Variants in GTPBP10 observed in about 807,000 individuals in gnomAD.
GTPBP10 encodes the protein GTP-binding protein 10.
GTPBP10 carries 38 observed loss-of-function variants against 44.8 expected under a neutral mutation model. That is an observed-to-expected ratio of 0.85 (90% CI 0.65 to 1.11). The LOEUF is 1.11. GTPBP10 is among the 50% of genes most tolerant of loss of function. The pLI is 0.00. For synonymous variants in GTPBP10, 152 were observed against 150.6 expected (o/e 1.01, Z -0.07); for missense variants, 462 against 453.7 (o/e 1.02, Z -0.17).
intron 8 of GTPBP10, among the ~76,000 whole-genome samples, chr7:90,380,268 A>G (rs566157186): frequency 8.6e-5 from 13 of 152,002 alleles, no homozygotes; most frequent in Non-Finnish European, 1.8e-4. Flanking sequence ...TAGTAGAAAC[A>G]GGGTTTCACC....
intron 8 of GTPBP10, among the ~76,000 whole-genome samples, chr7:90,379,073 T>G (rs934757755): frequency 6.6e-6 from 1 of 152,186 alleles, no homozygotes; most frequent in Non-Finnish European, 1.5e-5. Flanking sequence ...TCACTTAAAC[T>G]TAATATGGAT....
In GTPBP10 at chr7:90,385,699, TC is replaced by T. The variant is rs1462421026; in HGVS notation, c.*546del. On this transcript the variant is annotated 3_prime_UTR_variant, in exon 10 of 10. Transcript: ENST00000222511. Reference sequence around the variant, plus strand: ...GTATTATTACCTTCTGATATATGTGTCATTATTGAAGAACCATACCTTTTAA... The same window carrying T: ...GTATTATTACCTTCTGATATATGTGTATTATTGAAGAACCATACCTTTTAA... The T allele has an allele frequency of 6.6e-6, 1 of 152,142 alleles. No individual in the cohort carries two copies. The highest frequency in any genetic ancestry group is 1.5e-5 in the Non-Finnish European group (1 of 68,020). 9.4% of individuals were successfully genotyped at this position (152,142 alleles called of 1,614,324 possible). A position where few individuals can be genotyped will look rare whatever the true frequency, so the allele number is the denominator to read the frequency against.
rs1795824077 is a variant in GTPBP10 at position 90,352,999 on chromosome 7, G to C, written c.217G>C (p.Ala73Pro). The C allele has an allele frequency of 6.3e-7, 1 of 1,583,752 alleles. No homozygotes were observed. ...PRKRFVAGVG[A>P]NSKISALKGS... ...GAAACGGTTTGTGGCTGGAGTAGGA[G>C]CAAACAGCAAGTAAGTAATTACTGA... The change falls in exon 2 of 10, where the codon GCA becomes CCA. Residue 73 changes from alanine (A) to proline (P), a missense_variant. Coordinates refer to ENST00000222511, the MANE Select transcript of GTPBP10 (RefSeq NM_033107.4).
In GTPBP10 at chr7:90,352,813, A is replaced by T. The variant is rs569217789; in HGVS notation, c.34-3A>T. ...CAAATATTCTTTCTCTTTTTTTTTT[A>T]AGTATGGAAATTTCATCGATAAGCT... is the stretch of plus-strand genomic sequence containing the variant. On this transcript the variant is annotated splice_region_variant and splice_polypyrimidine_tract_variant and intron_variant, in intron 1 of 9. Coordinates refer to ENST00000222511, the MANE Select transcript of GTPBP10 (RefSeq NM_033107.4). 6.0e-5 allele frequency: 95 copies of T among 1,572,090 alleles called. 1 individual carries two copies. In the Admixed American group the frequency reaches 7.2e-4, roughly 12 times the overall value.
At chr7:90,366,724 A>G (rs1796141812) in intron 4 of GTPBP10, among the ~76,000 whole-genome samples, 1 of 151,254 alleles carries the variant, frequency 6.6e-6, no homozygotes, top group Admixed American at 6.6e-5. Flanking sequence ...TCTTTCAAAA[A>G]AAAAAAAACC....
At chr7:90,367,227 T>C (rs1454531417) in intron 4 of GTPBP10, among the ~76,000 whole-genome samples, 1 of 152,154 alleles carries the variant, frequency 6.6e-6, no homozygotes, top group Non-Finnish European at 1.5e-5. Context: ...AATTTTAGAA[T>C]AAGTACGATA....
intron 2 of GTPBP10, 29 bp from the exon 3 acceptor site, chr7:90,354,429 C>T (rs1398584882): frequency 8.5e-7 from 1 of 1,179,196 alleles, no homozygotes; most frequent in Non-Finnish European, 1.2e-6. Flanking sequence ...CACACACATA[C>T]ATACATATAT....
chr7:90,372,238 A>G lies in GTPBP10; in HGVS notation c.538+10A>G. 6.5e-7 allele frequency: 1 copy of G among 1,547,132 alleles called. No homozygotes were observed. The highest frequency in any genetic ancestry group is 2.2e-5 in the East Asian group (1 of 44,452). Reference sequence around the variant, plus strand: ...ATTGCAGATTACGCATGTAAGTGTAATTTGATTGTACATTTTAATGAGTGG... The same window carrying G: ...ATTGCAGATTACGCATGTAAGTGTAGTTTGATTGTACATTTTAATGAGTGG... On this transcript the variant is annotated intron_variant, in intron 5 of 9. Transcript: ENST00000222511.
chr7:90,390,850 T>A lies in GTPBP10; in HGVS notation c.*5696T>A, dbSNP rs1048628532. The A allele has an allele frequency of 6.6e-6, 1 of 152,178 alleles. No homozygotes were observed. The highest frequency in any genetic ancestry group is 2.4e-5 in the African/African-American group (1 of 41,444). The allele number at this position is 152,178 out of a possible 1,614,324, so 9.4% of individuals were successfully genotyped here. A position where few individuals can be genotyped will look rare whatever the true frequency, so the allele number is the denominator to read the frequency against. On this transcript the variant is annotated 3_prime_UTR_variant, in exon 10 of 10. Transcript: ENST00000222511. Reference sequence around the variant, plus strand: ...GGCTTTAAGAAGACTATAGTATAATTTTCTTAAGAAAAAAGACATGATTAT... The same window carrying A: ...GGCTTTAAGAAGACTATAGTATAATATTCTTAAGAAAAAAGACATGATTAT...
chr7:90,384,984 A>G lies in GTPBP10; in HGVS notation c.994A>G (p.Ile332Val). The change falls in exon 10 of 10, where the codon ATC (isoleucine) becomes GTC (valine). Residue 332 changes from isoleucine to valine, a missense_variant. Physicochemically the swap from Ile to Val is conservative, Grantham distance 29. Coordinates refer to ENST00000222511, the MANE Select transcript of GTPBP10 (RefSeq NM_033107.4). ...CATATCTGCAGTTACTGGAGAAGGA[A>G]TCGAAGAATTAAAGAATTGTATAAG... ...IPISAVTGEGIEELKNCIRKS... is the reference protein window; with the variant it reads ...IPISAVTGEGVEELKNCIRKS... The G allele has an allele frequency of 6.2e-7, 1 of 1,613,842 alleles. No individual in the cohort carries two copies. Among genetic ancestry groups the G allele is most frequent in the Non-Finnish European group, 8.5e-7 (1 of 1,179,782 alleles).
chr7:90,354,423 C>CAT (rs761828389), intron 2 of GTPBP10, 35 bp from the exon 3 acceptor site: 8 of 1,081,774 alleles, frequency 7.4e-6, no homozygotes, highest in Admixed American at 4.9e-5. Flanking sequence ...TATACACACA[C>CAT]ACATACATAC....
chr7:90,347,877 G>A (rs1016740071), intron 1 of GTPBP10, among the ~76,000 whole-genome samples: 3 of 152,190 alleles, frequency 2.0e-5, no homozygotes, highest in African/African-American at 7.2e-5. Flanking sequence ...AGAAATGGCG[G>A]TATTTCATGT....
At chr7:90,371,075 G>T (rs1796249247) in intron 4 of GTPBP10, 2 of 173,256 alleles carry the variant, frequency 1.2e-5, no homozygotes, top group South Asian at 3.9e-4. Flanking sequence ...GCTATGAAAA[G>T]ATGAAAAAAG....
At chr7:90,371,170 A>T in intron 4 of GTPBP10, 1 of 963,476 alleles carries the variant, frequency 1.0e-6, no homozygotes, top group South Asian at 4.8e-5. Context: ...ATAAAGAAAA[A>T]GTTGTCTATG....
rs371831994 is a variant in GTPBP10, at chr7:90,354,567, C to G, written c.319+18C>G. 10 of 1,291,930 alleles carry G rather than the reference C, an allele frequency of 7.7e-6. No homozygotes were observed. Among genetic ancestry groups the G allele is most frequent in the Non-Finnish European group, 9.7e-6 (9 of 929,616 alleles). The allele number at this position is 1,291,930 out of a possible 1,614,324, so 80.0% of individuals were successfully genotyped here. A position where few individuals can be genotyped will look rare whatever the true frequency, so the allele number is the denominator to read the frequency against. On this transcript the variant is annotated intron_variant, in intron 3 of 9. Coordinates refer to ENST00000222511, the MANE Select transcript of GTPBP10 (RefSeq NM_033107.4). ...AATTATAGGTGAGTGTACTATAACT[C>G]CAAAAGTTGTAAAAATGTGCACGTT...
chr7:90,367,436 A>G (rs934366800), intron 4 of GTPBP10, among the ~76,000 whole-genome samples: 1 of 152,162 alleles, frequency 6.6e-6, no homozygotes, highest in African/African-American at 2.4e-5. Context: ...TAGCTCTCTA[A>G]GGACTTGCTT....
At position 90,355,150 on chromosome 7, in the gene GTPBP10, T is replaced by TA. The variant is rs1795871249; in HGVS notation, c.385dup (p.Thr129AsnfsTer16). 1 of 1,606,132 alleles carries TA rather than the reference T, an allele frequency of 6.2e-7. No individual in the cohort carries two copies. Among genetic ancestry groups the TA allele is most frequent in the Admixed American group, 1.7e-5 (1 of 59,518 alleles). On this transcript the variant is annotated frameshift_variant, in exon 4 of 10. Transcript: ENST00000222511. LOFTEE classifies it high-confidence loss of function. ...AAGGAGGTCTTGGTGGTAAATTACT[T>TA]ACAAATTTCTTACCATTGAAAGGCC...
chr7:90,379,292 C>T (rs1186517278), intron 8 of GTPBP10, among the ~76,000 whole-genome samples: 1 of 152,066 alleles, frequency 6.6e-6, no homozygotes, highest in East Asian at 1.9e-4. Context: ...TTCCATTCTC[C>T]CTGTGTCCTG....
intron 4 of GTPBP10, among the ~76,000 whole-genome samples, chr7:90,357,595 G>A (rs1795928895): frequency 6.6e-6 from 1 of 152,002 alleles, no homozygotes; most frequent in Non-Finnish European, 1.5e-5. Context: ...ATGAAAGTTT[G>A]GCAGAGTTTT....
Sources: allele counts gnomAD v4.1 joint callset (sites outside exome capture counted in the v4.1 genomes callset), GRCh38; gene constraint gnomAD v4.1.1; transcripts MANE v1.5; gene names NCBI Gene and HGNC (gene_info 2026-07-23, HGNC 2026-07-21).